The following ASTN2 variants were observed in gnomAD, a reference collection of about 807,000 sequenced individuals.
ASTN2 encodes astrotactin-2.
Under a neutral mutation model 139.8 loss-of-function variants are expected in ASTN2, and 54 were observed. The observed-to-expected ratio is 0.39, with a 90% CI of 0.31 to 0.48. The LOEUF is 0.48. ASTN2 is among the 20% of genes least tolerant of loss of function. The pLI is 0.95. For synonymous variants in ASTN2, 756 were observed against 719.5 expected (o/e 1.05, Z -0.81); for missense variants, 1,565 against 1,725.1 (o/e 0.91, Z 1.64).
intron 1 of ASTN2, among the ~76,000 whole-genome samples, chr9:117,368,968 A>T (rs1377568473): frequency 6.6e-6 from 1 of 152,110 alleles, no homozygotes; most frequent in South Asian, 2.1e-4. Flanking sequence ...GGGTAAATTG[A>T]TCTAAATCAT....
intron 16 of ASTN2, among the ~76,000 whole-genome samples, chr9:116,717,126 C>T (rs1281391720): frequency 6.6e-6 from 1 of 152,212 alleles, no homozygotes; most frequent in African/African-American, 2.4e-5. Flanking sequence ...CAATGCTTGA[C>T]TTACAGACTT....
intron 16 of ASTN2, among the ~76,000 whole-genome samples, chr9:116,724,540 A>T (rs578109531): frequency 1.9e-4 from 29 of 152,040 alleles, no homozygotes; most frequent in African/African-American, 6.8e-4. Flanking sequence ...GGTGTAGAGC[A>T]CCCCACTTGG....
At chr9:116,917,151 C>T (rs901828848) in intron 10 of ASTN2, among the ~76,000 whole-genome samples, 3 of 152,172 alleles carry the variant, frequency 2.0e-5, no homozygotes, top group Non-Finnish European at 4.4e-5. Flanking sequence ...CCTCCTTTCC[C>T]TTTACTCCTG....
chr9:117,303,022 A>G (rs1433089766), intron 1 of ASTN2, among the ~76,000 whole-genome samples: 1 of 152,150 alleles, frequency 6.6e-6, no homozygotes, highest in Non-Finnish European at 1.5e-5. Context: ...GTTACCCATC[A>G]TTCAAAACCC....
chr9:117,037,862 A>G (rs1393108722), intron 6 of ASTN2, among the ~76,000 whole-genome samples: 2 of 152,034 alleles, frequency 1.3e-5, no homozygotes, highest in Non-Finnish European at 2.9e-5. Context: ...GTAATCCATC[A>G]AACTATTTGC....
chr9:116,860,627 A>G (rs763642504), intron 11 of ASTN2, among the ~76,000 whole-genome samples: 10 of 152,194 alleles, frequency 6.6e-5, no homozygotes, highest in Non-Finnish European at 1.2e-4. Context: ...AACTCATCTC[A>G]GCTCCCAGTG....
intron 3 of ASTN2, among the ~76,000 whole-genome samples, chr9:117,186,362 C>T (rs147090844): frequency 0.012 from 1,703 of 145,488 alleles, 24 homozygotes; most frequent in East Asian, 0.05. Flanking sequence ...CTGGCTAACA[C>T]GGTGAAAACC....
At chr9:116,526,063 T>C (rs1165606649) in intron 19 of ASTN2, among the ~76,000 whole-genome samples, 7 of 152,208 alleles carry the variant, frequency 4.6e-5, no homozygotes, top group African/African-American at 1.4e-4. Context: ...TGCCATCTTC[T>C]CTAGGAAGAC....
chr9:116,831,525 C>T (rs1831814298), intron 11 of ASTN2, among the ~76,000 whole-genome samples: 1 of 152,032 alleles, frequency 6.6e-6, no homozygotes, highest in South Asian at 2.1e-4. Flanking sequence ...ACAGACAAGA[C>T]CTTTCTCTCA....
rs190239622 is a variant in ASTN2, at chr9:116,624,863, A to G, written c.3073-4420T>C. ...TGAAGCGGGAAAAGGCTTTCTAGAG[A>G]AAAAAAAAAAATCTATTATCTTTTT... On this transcript the variant is annotated intron_variant, in intron 17 of 22. Coordinates refer to ENST00000313400, the MANE Select transcript of ASTN2 (RefSeq NM_001365068.1). Among the ~76,000 whole-genome samples, 14 of 143,016 alleles carry G rather than the reference A, an allele frequency of 9.8e-5. No individual in the cohort carries two copies. In the South Asian group the frequency reaches 1.8e-3, roughly 18 times the overall value. The allele number at this position is 143,016 out of a possible 152,430, so 93.8% of individuals were successfully genotyped here.
At chr9:117,348,786 A>G (rs191960613) in intron 1 of ASTN2, among the ~76,000 whole-genome samples, 73 of 150,710 alleles carry the variant, frequency 4.8e-4, no homozygotes, top group African/African-American at 1.7e-3. Flanking sequence ...CAAGGGCTTC[A>G]TTGCTATAAC....
intron 10 of ASTN2, among the ~76,000 whole-genome samples, chr9:116,949,620 G>C (rs752220906): frequency 2.6e-5 from 4 of 152,140 alleles, no homozygotes; most frequent in Non-Finnish European, 5.9e-5. Flanking sequence ...GACTTTTAGG[G>C]GTACAAGGTC....
chr9:117,356,002 A>G (rs1353236080), intron 1 of ASTN2, among the ~76,000 whole-genome samples: 1 of 152,192 alleles, frequency 6.6e-6, no homozygotes, highest in Non-Finnish European at 1.5e-5. Context: ...ACAATTGCAG[A>G]GTGTGCCGGT....
At chr9:116,774,102 C>G (rs1830020304) in intron 13 of ASTN2, among the ~76,000 whole-genome samples, 1 of 152,196 alleles carries the variant, frequency 6.6e-6, no homozygotes, top group Non-Finnish European at 1.5e-5. Flanking sequence ...ATACATGAAA[C>G]TGACATTGCA....
At chr9:116,792,059 A>G (rs988104520) in intron 13 of ASTN2, among the ~76,000 whole-genome samples, 1 of 152,116 alleles carries the variant, frequency 6.6e-6, no homozygotes, top group Non-Finnish European at 1.5e-5. Flanking sequence ...TAACATTGAG[A>G]AAATTTTAAA....
intron 1 of ASTN2, among the ~76,000 whole-genome samples, chr9:117,389,037 A>G (rs1049856595): frequency 2.0e-5 from 3 of 152,222 alleles, no homozygotes; most frequent in Non-Finnish European, 4.4e-5. Context: ...CTCCAATAGT[A>G]TGCGTGTGCC....
chr9:116,700,757 G>A (rs1861130000), intron 16 of ASTN2: 1 of 166,822 alleles, frequency 6.0e-6, no homozygotes, highest in Non-Finnish European at 1.5e-5. Context: ...TTCATCTCTG[G>A]TGTTCATGTC....
chr9:116,534,779 A>G (rs1220687115), intron 19 of ASTN2, among the ~76,000 whole-genome samples: 1 of 152,148 alleles, frequency 6.6e-6, no homozygotes, highest in Non-Finnish European at 1.5e-5. Context: ...CTTTACTTCC[A>G]ACTATGTGGT....
At chr9:117,222,064 G>A (rs1366439976) in intron 2 of ASTN2, among the ~76,000 whole-genome samples, 1 of 152,022 alleles carries the variant, frequency 6.6e-6, no homozygotes, top group Admixed American at 6.6e-5. Context: ...TAGTTTTCAT[G>A]GATTTTCATC....
Sources: allele counts gnomAD v4.1 joint callset (sites outside exome capture counted in the v4.1 genomes callset), GRCh38; gene constraint gnomAD v4.1.1; transcripts MANE v1.5; gene names NCBI Gene and HGNC (gene_info 2026-07-23, HGNC 2026-07-21).